Variants in GRID2 observed in about 807,000 individuals in gnomAD.
GRID2 encodes the protein glutamate ionotropic receptor delta type subunit 2, also known as glutamate receptor ionotropic, delta-2.
A neutral mutation model predicts 114.8 loss-of-function variants in GRID2; 33 were observed. That is an observed-to-expected ratio of 0.29 (90% confidence interval 0.22 to 0.38). GRID2 has a LOEUF of 0.38. Ranked by LOEUF, GRID2 falls within the 10% of genes least tolerant of loss-of-function variation. GRID2 has a pLI of 1.00. For missense variants in GRID2, 1,184 were observed against 1,257.7 expected (o/e 0.94, Z 0.89); for synonymous variants, 505 against 449.9 (o/e 1.12, Z -1.55).
intron 1 of GRID2, among the ~76,000 whole-genome samples, chr4:92,461,545 T>G (rs1031881552): frequency 6.6e-6 from 1 of 152,016 alleles, no homozygotes; most frequent in South Asian, 2.1e-4. Context: ...AATTTCAGTA[T>G]AGATAATAAT....
At chr4:92,315,053 G>A (rs1046943179) in intron 1 of GRID2, among the ~76,000 whole-genome samples, 2 of 152,090 alleles carry the variant, frequency 1.3e-5, no homozygotes, top group Admixed American at 1.3e-4. Flanking sequence ...TCTAAATTTA[G>A]TAACCTCAGA....
At chr4:92,777,670 CCCT>C (rs1738876287) in intron 2 of GRID2, among the ~76,000 whole-genome samples, 1 of 151,422 alleles carries the variant, frequency 6.6e-6, no homozygotes, top group African/African-American at 2.4e-5. Context: ...TCGAGCCATG[CCCT>C]AATTCATTAT....
At chr4:93,171,834 G>A (rs549822698) in intron 4 of GRID2, among the ~76,000 whole-genome samples, 8 of 152,180 alleles carry the variant, frequency 5.3e-5, no homozygotes, top group South Asian at 2.1e-4. Context: ...TTGAAGTCCC[G>A]CACACTCAAG....
chr4:92,765,415 TA>T lies in GRID2; in HGVS notation c.244+175131del, dbSNP rs200461870. On this transcript the variant is annotated intron_variant, in intron 2 of 15. Transcript: ENST00000282020. Reference sequence around the variant, plus strand: ...TATACACATATTTTATGGGTAAGGATAATGGAAATGCATTTGGAAGCTGTCG... The same window carrying T: ...TATACACATATTTTATGGGTAAGGATATGGAAATGCATTTGGAAGCTGTCG... Among the ~76,000 whole-genome samples, 526 of 152,250 alleles carry T rather than the reference TA, an allele frequency of 3.5e-3. 14 individuals carry two copies. The East Asian group carries it at 0.048, about 14-fold the overall frequency.
At chr4:93,165,568 C>A (rs999665827) in intron 4 of GRID2, among the ~76,000 whole-genome samples, 1 of 152,026 alleles carries the variant, frequency 6.6e-6, no homozygotes, top group Non-Finnish European at 1.5e-5. Context: ...CTTGGTGTGC[C>A]TGTTATGACT....
At chr4:93,334,931 CA>C (rs987274417) in intron 8 of GRID2, among the ~76,000 whole-genome samples, 13 of 148,724 alleles carry the variant, frequency 8.7e-5, no homozygotes, top group African/African-American at 3.2e-4. Flanking sequence ...AACTCCGTCT[CA>C]AAAAGAAAAA....
intron 2 of GRID2, among the ~76,000 whole-genome samples, chr4:92,828,259 T>C (rs1458693427): frequency 4.6e-5 from 7 of 152,112 alleles, no homozygotes. Flanking sequence ...CAAAGTTTAT[T>C]AAGTTAAATT....
chr4:92,517,833 C>T (rs1274760281), intron 1 of GRID2, among the ~76,000 whole-genome samples: 1 of 151,694 alleles, frequency 6.6e-6, no homozygotes, highest in Non-Finnish European at 1.5e-5. Context: ...ATTTTGTGTC[C>T]ATATCTATAA....
chr4:93,468,622 C>T (rs1724513140), intron 11 of GRID2, among the ~76,000 whole-genome samples: 1 of 151,854 alleles, frequency 6.6e-6, no homozygotes, highest in Non-Finnish European at 1.5e-5. Context: ...CTTGAAGAGG[C>T]CGGAAGCATA....
chr4:93,499,266 C>CTTA (rs2149471364), intron 12 of GRID2, among the ~76,000 whole-genome samples: 1 of 151,938 alleles, frequency 6.6e-6, no homozygotes, highest in South Asian at 2.1e-4. Flanking sequence ...TTTCCCTTAC[C>CTTA]TTAACTATTG....
At chr4:92,482,972 T>A (rs1296041009) in intron 1 of GRID2, among the ~76,000 whole-genome samples, 3 of 152,166 alleles carry the variant, frequency 2.0e-5, no homozygotes, top group African/African-American at 7.2e-5. Context: ...ATTGTATCCA[T>A]ACATGGAATA....
chr4:93,535,263 CA>C (rs1731934479), intron 13 of GRID2, among the ~76,000 whole-genome samples: 1 of 151,026 alleles, frequency 6.6e-6, no homozygotes, highest in Non-Finnish European at 1.5e-5. Context: ...CACACACACA[CA>C]CACACACCAC....
At chr4:92,963,451 A>G (rs764614465) in intron 2 of GRID2, among the ~76,000 whole-genome samples, 2 of 152,016 alleles carry the variant, frequency 1.3e-5, no homozygotes, top group Admixed American at 6.6e-5. Flanking sequence ...AGGAGATTCC[A>G]TCTCAAGAAA....
chr4:93,652,565 G>A (rs915218081), intron 14 of GRID2, among the ~76,000 whole-genome samples: 6 of 151,876 alleles, frequency 4.0e-5, no homozygotes, highest in Non-Finnish European at 7.4e-5. Flanking sequence ...TATAGCCTAG[G>A]TGTGTAGTAG....
At chr4:93,300,469 C>T (rs1283828525) in intron 8 of GRID2, among the ~76,000 whole-genome samples, 2 of 152,108 alleles carry the variant, frequency 1.3e-5, no homozygotes, top group East Asian at 1.9e-4. Context: ...CAGTGTCCAC[C>T]AGTAAAGTCT....
intron 13 of GRID2, among the ~76,000 whole-genome samples, chr4:93,611,923 T>C (rs930228887): frequency 4.7e-5 from 7 of 149,482 alleles, no homozygotes; most frequent in African/African-American, 7.4e-5. Context: ...GGTGTTAAAG[T>C]CTCCCATTAT....
intron 13 of GRID2, among the ~76,000 whole-genome samples, chr4:93,548,369 C>T (rs1214602860): frequency 1.3e-5 from 2 of 152,078 alleles, no homozygotes; most frequent in Non-Finnish European, 2.9e-5. Context: ...GAAATAGCAC[C>T]GGACAGGGAA....
intron 1 of GRID2, among the ~76,000 whole-genome samples, chr4:92,529,000 A>G (rs1012278644): frequency 6.6e-6 from 1 of 152,086 alleles, no homozygotes; most frequent in South Asian, 2.1e-4. Flanking sequence ...GCAATGGAAG[A>G]TAGGAAACTG....
chr4:92,505,706 G>A (rs1013742751), intron 1 of GRID2, among the ~76,000 whole-genome samples: 2 of 151,954 alleles, frequency 1.3e-5, no homozygotes, highest in Non-Finnish European at 2.9e-5. Flanking sequence ...AAGACAGTAG[G>A]GATAAAGTGG....
Sources: gnomAD v4.1 joint callset for allele counts (sites outside exome capture counted in the v4.1 genomes callset) on GRCh38, gnomAD v4.1.1 for gene constraint, MANE v1.5 for transcripts, NCBI Gene and HGNC (gene_info 2026-07-23, HGNC 2026-07-21) for gene names.